The following DOCK2 variants were observed in gnomAD, a reference collection of about 807,000 sequenced individuals.
DOCK2 encodes the protein dedicator of cytokinesis 2.
A neutral mutation model predicts 248.9 loss-of-function variants in DOCK2; 87 were observed. The observed-to-expected ratio is 0.35, with a 90% CI of 0.29 to 0.42. The LOEUF is 0.42. Ranked by LOEUF, DOCK2 falls within the 10% of genes least tolerant of loss-of-function variation. The pLI is 1.00. For missense variants in DOCK2, 1,747 were observed against 2,300.2 expected, an observed-to-expected ratio of 0.76 and a Z score of 4.92; for synonymous variants, 805 against 821.6, an observed-to-expected ratio of 0.98 and a Z score of 0.35.
chr5:169,964,318 C>T (rs6555879), intron 27 of DOCK2, among the ~76,000 whole-genome samples: 107,733 of 152,086 alleles, frequency 0.71, 39,259 homozygotes, highest in African/African-American at 0.89. Flanking sequence ...AAAGTTGCTC[C>T]GCTCCCACCC....
intron 26 of DOCK2, among the ~76,000 whole-genome samples, chr5:169,835,259 G>GTTTTTTTTTT (rs763950012): frequency 1.4e-5 from 2 of 138,608 alleles, no homozygotes; most frequent in Non-Finnish European, 1.5e-5. Flanking sequence ...TGAAATGCCT[G>GTTTTTTTTTT]GTTTTTTTTT....
intron 27 of DOCK2, among the ~76,000 whole-genome samples, chr5:169,931,758 G>A (rs1775765168): frequency 6.6e-6 from 1 of 152,130 alleles, no homozygotes; most frequent in African/African-American, 2.4e-5. Flanking sequence ...GTGCTTCCAG[G>A]AGATGGAAGC....
At chr5:169,858,492 G>T (rs1409014134) in intron 27 of DOCK2, among the ~76,000 whole-genome samples, 2 of 152,116 alleles carry the variant, frequency 1.3e-5, no homozygotes, top group Non-Finnish European at 2.9e-5. Flanking sequence ...AAGAAGGCTG[G>T]CTGAGACTGG....
intron 22 of DOCK2, among the ~76,000 whole-genome samples, chr5:169,737,413 T>A (rs1763095302): frequency 6.6e-6 from 1 of 152,132 alleles, no homozygotes; most frequent in African/African-American, 2.4e-5. Flanking sequence ...TGGGGAGCTG[T>A]GATATTATGA....
chr5:169,884,008 C>G (rs1482808214), intron 27 of DOCK2: 2 of 1,105,276 alleles, frequency 1.8e-6, no homozygotes, highest in Non-Finnish European at 2.4e-6. Context: ...GAACTGCTGG[C>G]CAGGATGGAG....
chr5:169,765,072 A>ACG (rs1461947459), intron 25 of DOCK2, among the ~76,000 whole-genome samples: 1 of 148,218 alleles, frequency 6.7e-6, no homozygotes, highest in Admixed American at 6.8e-5. Context: ...CTTTTAGCGC[A>ACG]CACACACACA....
intron 9 of DOCK2, among the ~76,000 whole-genome samples, chr5:169,691,209 A>G (rs1760278488): frequency 6.6e-6 from 1 of 151,976 alleles, no homozygotes; most frequent in Admixed American, 6.6e-5. Flanking sequence ...TCTTAGGAGA[A>G]CTCGCTATCA....
intron 27 of DOCK2, among the ~76,000 whole-genome samples, chr5:169,969,387 G>A (rs1436856788): frequency 1.3e-5 from 2 of 152,180 alleles, no homozygotes; most frequent in Non-Finnish European, 2.9e-5. Flanking sequence ...GGAAGTTGCA[G>A]TGAGCCGAGA....
At chr5:170,004,063 C>T (rs1270184006) in intron 30 of DOCK2, among the ~76,000 whole-genome samples, 1 of 152,190 alleles carries the variant, frequency 6.6e-6, no homozygotes, top group East Asian at 1.9e-4. Flanking sequence ...ACCAGGTCCA[C>T]TCCATGAGAA....
At chr5:169,666,699 C>T (rs187366979) in intron 2 of DOCK2, among the ~76,000 whole-genome samples, 13 of 152,274 alleles carry the variant, frequency 8.5e-5, no homozygotes, top group Admixed American at 3.3e-4. Flanking sequence ...AAGGATAGTC[C>T]GGATGCAGTT....
At chr5:170,043,883 A>G (rs1036162726) in intron 38 of DOCK2, among the ~76,000 whole-genome samples, 1 of 152,244 alleles carries the variant, frequency 6.6e-6, no homozygotes, top group Non-Finnish European at 1.5e-5. Flanking sequence ...CCAACCTCAA[A>G]AAACTTACTG....
chr5:170,008,206 A>ACAC, intron 30 of DOCK2, among the ~76,000 whole-genome samples: 1 of 62,754 alleles, frequency 1.6e-5, no homozygotes, highest in Admixed American at 1.6e-4. Flanking sequence ...AACAACAACA[A>ACAC]CAACAACAAC....
intron 34 of DOCK2, 141 bp from the exon 35 acceptor site, chr5:170,034,258 A>G (rs551119235): frequency 9.8e-6 from 10 of 1,024,700 alleles, no homozygotes; most frequent in South Asian, 6.7e-5. Context: ...GGATAAATAC[A>G]TGAATAAATG....
At chr5:169,973,268 A>G (rs1461875316) in intron 27 of DOCK2, among the ~76,000 whole-genome samples, 1 of 152,124 alleles carries the variant, frequency 6.6e-6, no homozygotes, top group Non-Finnish European at 1.5e-5. Context: ...CTCACCCACA[A>G]TGCAGCTGCC....
chr5:169,718,608 A>G (rs1762026423), intron 21 of DOCK2, 49 bp from the exon 22 acceptor site: 1 of 1,589,522 alleles, frequency 6.3e-7, no homozygotes, highest in Non-Finnish European at 8.6e-7. Context: ...GAGCAAACTA[A>G]TTACCATGAT....
chr5:169,971,655 G>A (rs1777513514), intron 27 of DOCK2, among the ~76,000 whole-genome samples: 1 of 152,154 alleles, frequency 6.6e-6, no homozygotes, highest in African/African-American at 2.4e-5. Flanking sequence ...TCCCTTTATA[G>A]AAATGAAGAG....
intron 25 of DOCK2, among the ~76,000 whole-genome samples, chr5:169,776,120 T>C (rs2113785941): frequency 6.8e-6 from 1 of 147,948 alleles, no homozygotes; most frequent in South Asian, 2.2e-4. Flanking sequence ...TTGTATCATA[T>C]ATATGATATG....
At chr5:169,674,215 C>T (rs1046548239) in intron 5 of DOCK2, 82 bp from the exon 6 acceptor site, 15 of 1,553,068 alleles carry the variant, frequency 9.7e-6, no homozygotes, top group African/African-American at 1.4e-5. Flanking sequence ...TGACCACACT[C>T]ACCTGACTTT....
intron 27 of DOCK2, among the ~76,000 whole-genome samples, chr5:169,905,322 AC>A (rs1289989136): frequency 1.1e-4 from 16 of 151,368 alleles, no homozygotes; most frequent in African/African-American, 3.6e-4. Flanking sequence ...AGAAGCCAGA[AC>A]TCTGTGTTAA....
Sources: gnomAD v4.1 joint callset for allele counts (sites outside exome capture counted in the v4.1 genomes callset) on GRCh38, gnomAD v4.1.1 for gene constraint, MANE v1.5 for transcripts, NCBI Gene and HGNC (gene_info 2026-07-23, HGNC 2026-07-21) for gene names.